The following OLFML2A variants were observed in gnomAD, a reference collection of about 807,000 sequenced individuals.
OLFML2A encodes olfactomedin like 2A, also known as olfactomedin-like protein 2A.
Under a neutral mutation model 60.9 loss-of-function variants are expected in OLFML2A, and 47 were observed. The ratio of observed to expected loss-of-function variants is 0.77; its 90% CI spans 0.61 to 0.98. The LOEUF (loss-of-function observed/expected upper bound fraction) is 0.98. Among genes scored for constraint, OLFML2A ranks in the 50% least tolerant of loss-of-function variants. The probability of loss-of-function intolerance (pLI) is 0.00; values close to 1 mark genes in which losing one functional copy is unlikely to be tolerated. For missense variants in OLFML2A, 922 were observed against 879.8 expected (o/e 1.05, Z -0.61); for synonymous variants, 372 against 375.0 (o/e 0.99, Z 0.09).
At chr9:124,786,916 C>T in intron 1 of OLFML2A, 59 bp from the exon 2 acceptor site, 1 of 1,547,528 alleles carries the variant, frequency 6.5e-7, no homozygotes, top group Non-Finnish European at 8.8e-7. Context: ...CTCCCTTCCT[C>T]CCTGCCATAG....
intron 4 of OLFML2A, chr9:124,800,855 C>T: frequency 6.9e-7 from 1 of 1,442,652 alleles, no homozygotes; most frequent in Non-Finnish European, 9.1e-7. Flanking sequence ...AATAACAAAA[C>T]ACAAAAAGTT....
chr9:124,792,926 T>G (rs869141451), intron 2 of OLFML2A, among the ~76,000 whole-genome samples: 16 of 151,908 alleles, frequency 1.1e-4, no homozygotes, highest in African/African-American at 3.9e-4. Context: ...ATGCAGACCC[T>G]CGGGGCCAAA....
In OLFML2A at chr9:124,801,738, A is replaced by G. The variant is rs993430998; in HGVS notation, c.919+75A>G. On this transcript the variant is annotated intron_variant, in intron 5 of 7. Transcript: ENST00000373580. ...CTAGGAATCCCCTCATCTTCTCTGC[A>G]GTGGGACCACCCCAGATTCAGTTCC... 1.3e-5 allele frequency: 19 copies of G among 1,471,476 alleles called. No homozygotes were observed. The Admixed American group carries it at 3.7e-4, about 29-fold the overall frequency. 91.2% of individuals were successfully genotyped at this position (1,471,476 alleles called of 1,614,324 possible). A position where few individuals can be genotyped will look rare whatever the true frequency, so the allele number is the denominator to read the frequency against.
chr9:124,797,959 G>A (rs77950211), intron 3 of OLFML2A, among the ~76,000 whole-genome samples: 2 of 152,152 alleles, frequency 1.3e-5, no homozygotes, highest in Non-Finnish European at 2.9e-5. Flanking sequence ...CCCAGCAAGG[G>A]GAGATGAGGC....
chr9:124,782,157 A>T lies in OLFML2A; in HGVS notation c.90+4797A>T, dbSNP rs977039791. Among the ~76,000 whole-genome samples, 14 of 152,302 alleles carry T rather than the reference A, an allele frequency of 9.2e-5. No homozygotes were observed. The East Asian group carries it at 2.5e-3, about 27-fold the overall frequency. On this transcript the variant is annotated intron_variant, in intron 1 of 7. Transcript: ENST00000373580. ...CCCAGGGCCCCCTCTCTACAGACCC[A>T]TCTGTCCCAGCCCAATTGCTCAGGG...
At chr9:124,805,723 C>T (rs1209481798) in intron 6 of OLFML2A, among the ~76,000 whole-genome samples, 3 of 151,536 alleles carry the variant, frequency 2.0e-5, no homozygotes, top group Non-Finnish European at 4.4e-5. Context: ...AAAGAACTCA[C>T]CCATGTAACC....
Position 124,810,134 on chromosome 9 carries a change from CACCGGGAG to C in OLFML2A, c.1685_1692del (p.Arg562HisfsTer113). 1.2e-6 allele frequency: 2 copies of C among 1,613,896 alleles called. No homozygotes were observed. The highest frequency in any genetic ancestry group is 1.7e-6 in the Non-Finnish European group (2 of 1,180,018). On this transcript the variant is annotated frameshift_variant, in exon 8 of 8. Coordinates refer to ENST00000373580, the MANE Select transcript of OLFML2A (RefSeq NM_182487.4). LOFTEE classifies it high-confidence loss of function. Reference sequence around the variant, plus strand: ...CTTGGACCCCGGCGATCTCTCCGTGCACCGGGAGACCACGTGGAAGACACGGCTGCGGC... The same window carrying C: ...CTTGGACCCCGGCGATCTCTCCGTGCACCACGTGGAAGACACGGCTGCGGC...
chr9:124,782,926 T>C (rs928725179), intron 1 of OLFML2A, among the ~76,000 whole-genome samples: 2 of 147,016 alleles, frequency 1.4e-5, no homozygotes, highest in Non-Finnish European at 3.0e-5. Flanking sequence ...TCTGGGGGAG[T>C]GGGTGGAGTG....
intron 6 of OLFML2A, among the ~76,000 whole-genome samples, chr9:124,806,936 C>A (rs185446780): frequency 6.6e-6 from 1 of 151,074 alleles, no homozygotes; most frequent in African/African-American, 2.4e-5. Flanking sequence ...TTTTTTGAGG[C>A]GGTGTCTTGC....
At chr9:124,780,124 G>C (rs576007806) in intron 1 of OLFML2A, among the ~76,000 whole-genome samples, 32 of 152,358 alleles carry the variant, frequency 2.1e-4, no homozygotes, top group African/African-American at 7.7e-4. Context: ...CTTTGTCGGG[G>C]CTGGGAGGAG....
rs1240682095 is a variant in OLFML2A at position 124,779,259 on chromosome 9, G to A, written c.90+1899G>A. Among the ~76,000 whole-genome samples, 1 of 152,172 alleles carries A rather than the reference G, an allele frequency of 6.6e-6. No homozygotes were observed. Among genetic ancestry groups the A allele is most frequent in the East Asian group, 1.9e-4 (1 of 5,204 alleles). Reference sequence around the variant, plus strand: ...TCTGGGCTTCAGTTTCTTCATCTAAGAAACATCTCCCCAACCTTCCTTCCA... The same window carrying A: ...TCTGGGCTTCAGTTTCTTCATCTAAAAAACATCTCCCCAACCTTCCTTCCA... On this transcript the variant is annotated intron_variant, in intron 1 of 7. Transcript: ENST00000373580. The surrounding 1 kb of genome is among the most constrained non-coding windows in gnomAD (Gnocchi z 4.1).
chr9:124,799,073 T>C (rs1408595120), intron 3 of OLFML2A, among the ~76,000 whole-genome samples: 1 of 152,234 alleles, frequency 6.6e-6, no homozygotes, highest in Non-Finnish European at 1.5e-5. Context: ...ATTATCTATT[T>C]TTTTAATTCC....
intron 2 of OLFML2A, among the ~76,000 whole-genome samples, chr9:124,794,410 C>G (rs958252120): frequency 6.6e-6 from 1 of 152,160 alleles, no homozygotes; most frequent in African/African-American, 2.4e-5. Context: ...CCTCCAGTGC[C>G]CACTACACAC....
intron 1 of OLFML2A, among the ~76,000 whole-genome samples, chr9:124,785,059 T>A (rs1021833794): frequency 6.9e-6 from 1 of 145,076 alleles, no homozygotes; most frequent in Non-Finnish European, 1.5e-5. Context: ...GCTCAAGTGA[T>A]CCTCCCATCT....
rs200657468 is a variant in OLFML2A, at chr9:124,801,610, G to A, written c.866G>A (p.Arg289Gln). Residue 289 changes from arginine (R) to glutamine (Q), a missense_variant, in exon 5 of 8, where the codon CGG becomes CAG. Coordinates refer to ENST00000373580, the MANE Select transcript of OLFML2A (RefSeq NM_182487.4). ...RALAQQQAVIRGFTYYKAGKQ... is the reference protein window; with the variant it reads ...RALAQQQAVIQGFTYYKAGKQ... The stretch of plus-strand genomic sequence containing the variant: ...CTGGCCCAGCAGCAGGCTGTGATCC[G>A]GGGCTTCACCTACTACAAGGCAGGC... 1.0e-4 allele frequency: 164 copies of A among 1,613,822 alleles called. No individual in the cohort carries two copies. The highest frequency in any genetic ancestry group is 1.2e-4 in the Non-Finnish European group (142 of 1,180,006).
chr9:124,792,594 C>A (rs1316603990), intron 2 of OLFML2A, among the ~76,000 whole-genome samples: 3 of 152,182 alleles, frequency 2.0e-5, no homozygotes, highest in African/African-American at 7.2e-5. Flanking sequence ...ATGCCAGACT[C>A]AGGAGATGAG....
In OLFML2A at chr9:124,809,789, C is replaced by T; in HGVS notation, c.1355-19C>T. 1 of 1,576,244 alleles carries T rather than the reference C, an allele frequency of 6.3e-7. No individual in the cohort carries two copies. Among genetic ancestry groups the T allele is most frequent in the South Asian group, 1.2e-5 (1 of 83,520 alleles). ...GGGTTGCTCGGGAGGTCTGGGGTGA[C>T]CATCGCCCTCGCCTGCAGGCCGCTG... On this transcript the variant is annotated intron_variant, in intron 7 of 7. Transcript: ENST00000373580.
Position 124,813,800 on chromosome 9 carries a change from C to A in OLFML2A, c.*3388C>A, listed in dbSNP as rs1308207945. 1 of 150,810 alleles carries A rather than the reference C, an allele frequency of 6.6e-6. No homozygotes were observed. The highest frequency in any genetic ancestry group is 2.4e-5 in the African/African-American group (1 of 41,380). The allele number at this position is 150,810 out of a possible 1,614,324, so 9.3% of individuals were successfully genotyped here. ...AGGTTTTTCTTGTAGGGAACTGGAA[C>A]CAGCCCACAACTGCACACTTGTGAG... On this transcript the variant is annotated 3_prime_UTR_variant, in exon 8 of 8. Coordinates refer to ENST00000373580, the MANE Select transcript of OLFML2A (RefSeq NM_182487.4).
intron 6 of OLFML2A, among the ~76,000 whole-genome samples, chr9:124,805,806 T>TG (rs1841884436): frequency 7.4e-6 from 1 of 135,414 alleles, no homozygotes; most frequent in Non-Finnish European, 1.5e-5. Context: ...TTGGTTTTTT[T>TG]GGTTTTTTTT....
Sources: allele counts gnomAD v4.1 joint callset (sites outside exome capture counted in the v4.1 genomes callset), GRCh38; gene constraint gnomAD v4.1.1; non-coding constraint Gnocchi (gnomAD v3.1); transcripts MANE v1.5; gene names NCBI Gene and HGNC (gene_info 2026-07-23, HGNC 2026-07-21).